Variants in SCHIP1 observed in about 807,000 individuals in gnomAD.
SCHIP1 encodes the protein schwannomin-interacting protein 1.
SCHIP1 carries 8 observed loss-of-function variants against 29.7 expected under a neutral mutation model. That is an observed-to-expected ratio of 0.27 (90% CI 0.16 to 0.49). The LOEUF is 0.49. Among genes scored for constraint, SCHIP1 ranks in the 20% least tolerant of loss-of-function variants. The probability of loss-of-function intolerance (pLI) is 0.99; values close to 1 mark genes in which losing one functional copy is unlikely to be tolerated. For missense variants in SCHIP1, 193 were observed against 294.6 expected, an observed-to-expected ratio of 0.66 and a Z score of 2.52; for synonymous variants, 76 against 94.9, an observed-to-expected ratio of 0.80 and a Z score of 1.16.
chr3:159,590,656 T>C, the SCHIP1 span, among the ~76,000 whole-genome samples: 1 of 152,042 alleles, frequency 6.6e-6, no homozygotes, highest in Non-Finnish European at 1.5e-5. Flanking sequence ...GTTAAATCCC[T>C]CTCCCTGTGT....
At chr3:159,720,783 C>T in the SCHIP1 span, among the ~76,000 whole-genome samples, 186 of 152,198 alleles carry the variant, frequency 1.2e-3, no homozygotes, top group African/African-American at 4.4e-3. Context: ...CGGGGTTTTG[C>T]CATGTGGGCC....
chr3:159,862,575 G>C (rs1212912690), intron 1 of SCHIP1, among the ~76,000 whole-genome samples: 1 of 152,200 alleles, frequency 6.6e-6, no homozygotes, highest in African/African-American at 2.4e-5. Context: ...CTGACAGCAT[G>C]ACAGATGAAG....
chr3:159,734,078 A>C, the SCHIP1 span, among the ~76,000 whole-genome samples: 1 of 150,960 alleles, frequency 6.6e-6, no homozygotes, highest in East Asian at 1.9e-4. Context: ...ACAAAATTCT[A>C]TCCTTAAAGC....
the SCHIP1 span, among the ~76,000 whole-genome samples, chr3:159,681,202 G>C: frequency 6.6e-6 from 1 of 151,740 alleles, no homozygotes; most frequent in Non-Finnish European, 1.5e-5. Flanking sequence ...GAAGGGATAA[G>C]AGGTGGGAGT....
chr3:159,667,350 G>A, the SCHIP1 span, among the ~76,000 whole-genome samples: 1 of 152,188 alleles, frequency 6.6e-6, no homozygotes, highest in African/African-American at 2.4e-5. Flanking sequence ...TTTCTTTAAA[G>A]CATCACTTTG....
At chr3:159,454,193 C>T in the SCHIP1 span, among the ~76,000 whole-genome samples, 1 of 152,282 alleles carries the variant, frequency 6.6e-6, no homozygotes, top group African/African-American at 2.4e-5. Flanking sequence ...GGGTACTATC[C>T]CCCGAAGATT....
the SCHIP1 span, among the ~76,000 whole-genome samples, chr3:159,660,780 C>T: frequency 2.0e-5 from 3 of 151,974 alleles, no homozygotes; most frequent in Non-Finnish European, 2.9e-5. Context: ...TGAGTCAATC[C>T]GTAAATTATC....
the SCHIP1 span, among the ~76,000 whole-genome samples, chr3:159,374,831 G>T: frequency 6.6e-6 from 1 of 152,078 alleles, no homozygotes; most frequent in Non-Finnish European, 1.5e-5. Context: ...AGTCCAGTCT[G>T]GTGGCCATTA....
the SCHIP1 span, among the ~76,000 whole-genome samples, chr3:159,397,875 T>A: frequency 3.9e-5 from 6 of 152,208 alleles, no homozygotes; most frequent in African/African-American, 1.4e-4. Context: ...TCCTGACTGC[T>A]TTGTTTACCT....
intron 6 of SCHIP1, among the ~76,000 whole-genome samples, chr3:159,896,481 T>C (rs1020956464): frequency 2.0e-5 from 3 of 152,240 alleles, no homozygotes; most frequent in Non-Finnish European, 2.9e-5. Flanking sequence ...AAAGTAGTAA[T>C]GTCTAAAAGT....
At chr3:159,694,327 C>T in the SCHIP1 span, among the ~76,000 whole-genome samples, 1 of 151,980 alleles carries the variant, frequency 6.6e-6, no homozygotes, top group East Asian at 1.9e-4. Flanking sequence ...CAAGACTAGC[C>T]TGGCCAACAT....
chr3:159,575,738 G>GT, the SCHIP1 span, among the ~76,000 whole-genome samples: 2 of 152,022 alleles, frequency 1.3e-5, no homozygotes, highest in Admixed American at 6.6e-5. Flanking sequence ...CCCAGCCACT[G>GT]TTTTTTTAAT....
the SCHIP1 span, among the ~76,000 whole-genome samples, chr3:159,445,065 G>A: frequency 0.18 from 27,068 of 151,160 alleles, 2,526 homozygotes; most frequent in African/African-American, 0.2. Context: ...ACAGCAAAAG[G>A]AACTACCATC....
the SCHIP1 span, among the ~76,000 whole-genome samples, chr3:159,417,937 C>T: frequency 6.6e-6 from 1 of 152,092 alleles, no homozygotes; most frequent in South Asian, 2.1e-4. Context: ...CACCAAAAGC[C>T]TGCCAACAGC....
the SCHIP1 span, among the ~76,000 whole-genome samples, chr3:159,492,481 A>G: frequency 3.3e-5 from 5 of 152,224 alleles, no homozygotes; most frequent in Non-Finnish European, 7.3e-5. Context: ...TGAGGCGATC[A>G]ACTGGAAGAA....
At chr3:159,442,299 C>T in the SCHIP1 span, among the ~76,000 whole-genome samples, 1 of 152,172 alleles carries the variant, frequency 6.6e-6, no homozygotes, top group African/African-American at 2.4e-5. Context: ...TGGAGAACAG[C>T]ACCTCCAGAG....
In SCHIP1 at chr3:159,840,113, T is replaced by C. The variant is rs2109014708; in HGVS notation, c.-72T>C. Reference sequence around the variant, plus strand: ...GGCGTTCTCTCCGCCCGCCGGTGGATGCTCCGCGCCTGCCCTCCGCAGCCT... The same window carrying C: ...GGCGTTCTCTCCGCCCGCCGGTGGACGCTCCGCGCCTGCCCTCCGCAGCCT... On this transcript the variant is annotated 5_prime_UTR_variant, in exon 1 of 7. Transcript: ENST00000445224. 3 of 1,529,984 alleles carry C rather than the reference T, an allele frequency of 2.0e-6. No homozygotes were observed. The East Asian group carries it at 7.4e-5, about 38-fold the overall frequency. The allele number at this position is 1,529,984 out of a possible 1,614,324, so 94.8% of individuals were successfully genotyped here.
At chr3:159,446,868 G>C in the SCHIP1 span, among the ~76,000 whole-genome samples, 6 of 152,172 alleles carry the variant, frequency 3.9e-5, no homozygotes, top group Non-Finnish European at 7.3e-5. Context: ...CTGTTATTAA[G>C]AGCATGAGCA....
the SCHIP1 span, among the ~76,000 whole-genome samples, chr3:159,732,651 G>C: frequency 6.6e-6 from 1 of 152,198 alleles, no homozygotes; most frequent in Non-Finnish European, 1.5e-5. Flanking sequence ...AAGGCCCTGA[G>C]GCATTTCCAG....
Sources: allele counts gnomAD v4.1 joint callset (sites outside exome capture counted in the v4.1 genomes callset), GRCh38; gene constraint gnomAD v4.1.1; transcripts MANE v1.5; gene names NCBI Gene and HGNC (gene_info 2026-07-23, HGNC 2026-07-21).